Variants in DOCK10 observed in about 807,000 individuals in gnomAD.
DOCK10 encodes the protein dedicator of cytokinesis protein 10.
A neutral mutation model predicts 280.1 loss-of-function variants in DOCK10; 145 were observed. The observed-to-expected ratio is 0.52, with a 90% CI of 0.45 to 0.59. The LOEUF is 0.59. DOCK10 is among the 20% of genes least tolerant of loss of function. The probability of loss-of-function intolerance (pLI) is 0.00; values close to 1 mark genes in which losing one functional copy is unlikely to be tolerated. For synonymous variants in DOCK10, 915 were observed against 942.2 expected (o/e 0.97, Z 0.53); for missense variants, 2,368 against 2,651.7 (o/e 0.89, Z 2.35).
Position 224,915,412 on chromosome 2 carries a change from A to G in DOCK10, c.333+1283T>C, listed in dbSNP as rs550194720. Among the ~76,000 whole-genome samples the G allele has an allele frequency of 5.3e-5, 8 of 152,254 alleles. No individual in the cohort carries two copies. In the East Asian group the frequency reaches 9.6e-4, roughly 18 times the overall value. ...TGAGTCTGCATTTTTTCTTTTTTCT[A>G]TCTCCTTAAAAGGTATTGTAATGCA... On this transcript the variant is annotated intron_variant, in intron 3 of 55. Coordinates refer to ENST00000258390, the MANE Select transcript of DOCK10 (RefSeq NM_014689.3).
At chr2:224,797,287 G>A (rs1272359524) in intron 42 of DOCK10, 141 bp from the exon 43 acceptor site, 5 of 619,824 alleles carry the variant, frequency 8.1e-6, no homozygotes, top group Middle Eastern at 4.5e-4. Context: ...TCATTTGCAA[G>A]TGAGGAGGAT....
intron 39 of DOCK10, 92 bp from the exon 40 acceptor site, chr2:224,802,132 A>G: frequency 7.4e-7 from 1 of 1,342,728 alleles, no homozygotes; most frequent in Non-Finnish European, 1.0e-6. Context: ...AGATTGAGTC[A>G]AATATTAAAA....
intron 1 of DOCK10, among the ~76,000 whole-genome samples, chr2:224,999,259 T>C (rs898622251): frequency 1.3e-5 from 2 of 152,032 alleles, no homozygotes; most frequent in Admixed American, 1.3e-4. Flanking sequence ...TCTTTTTTTT[T>C]TTCAATAAGG....
intron 1 of DOCK10, among the ~76,000 whole-genome samples, chr2:225,038,852 C>A (rs1690335875): frequency 6.7e-6 from 1 of 150,220 alleles, no homozygotes; most frequent in Non-Finnish European, 1.5e-5. Context: ...TAGATCTCAT[C>A]CTTCTGGTTA....
At chr2:224,880,942 CT>C (rs1444212092) in intron 7 of DOCK10, among the ~76,000 whole-genome samples, 1 of 149,438 alleles carries the variant, frequency 6.7e-6, no homozygotes, top group African/African-American at 2.5e-5. Flanking sequence ...TCTCCACTCT[CT>C]GTAGGTTTAT....
chr2:224,807,791 GA>G lies in DOCK10; in HGVS notation c.3586-8del. On this transcript the variant is annotated splice_polypyrimidine_tract_variant and splice_region_variant and intron_variant, in intron 32 of 55. Coordinates refer to ENST00000258390, the MANE Select transcript of DOCK10 (RefSeq NM_014689.3). ...CTATCTGGGCCTGCTTTCTCTAGGAGAAAAGGTAGCCAAAAGAAATGATTCA... is the reference window on the plus strand; with the variant it reads ...CTATCTGGGCCTGCTTTCTCTAGGAGAAAGGTAGCCAAAAGAAATGATTCA... 6.4e-7 allele frequency: 1 copy of G among 1,564,402 alleles called. No homozygotes were observed. The highest frequency in any genetic ancestry group is 1.9e-5 in the Admixed American group (1 of 51,904).
chr2:224,844,678 T>G (rs867516897), intron 22 of DOCK10, 75 bp downstream of exon 22: 13 of 939,134 alleles, frequency 1.4e-5, no homozygotes, highest in East Asian at 2.6e-5. Flanking sequence ...ATTAGTCTCA[T>G]CCTGTAAATA....
At chr2:224,935,943 T>A (rs535080531) in intron 1 of DOCK10, among the ~76,000 whole-genome samples, 8 of 152,334 alleles carry the variant, frequency 5.3e-5, no homozygotes, top group Non-Finnish European at 1.0e-4. Flanking sequence ...TGCAATATTA[T>A]CTTTGTAACA....
chr2:224,801,246 C>G (rs1023015066), intron 40 of DOCK10, among the ~76,000 whole-genome samples: 1 of 78,936 alleles, frequency 1.3e-5, no homozygotes, highest in Admixed American at 1.8e-4. Context: ...ATTTTCCCCA[C>G]AAGAGACAAC....
At chr2:224,798,203 G>C (rs992649663) in intron 41 of DOCK10, among the ~76,000 whole-genome samples, 1 of 152,134 alleles carries the variant, frequency 6.6e-6, no homozygotes, top group Non-Finnish European at 1.5e-5. Context: ...AGTTGCTTTG[G>C]GGGTAGGATT....
At chr2:224,885,899 T>C in intron 6 of DOCK10, 94 bp from the exon 7 acceptor site, 1 of 1,520,640 alleles carries the variant, frequency 6.6e-7, no homozygotes, top group Non-Finnish European at 8.9e-7. Context: ...AGGAGTGCTA[T>C]ATTTCTAGGA....
At chr2:224,807,444 A>T (rs1358432320) in intron 33 of DOCK10, 1 of 378,116 alleles carries the variant, frequency 2.6e-6, no homozygotes, top group Non-Finnish European at 4.8e-6. Flanking sequence ...GCTGATACAG[A>T]GAACAGAGAG....
chr2:224,789,043 A>G (rs764102772), intron 48 of DOCK10, 21 bp downstream of exon 48: 6 of 1,497,340 alleles, frequency 4.0e-6, no homozygotes, highest in East Asian at 2.3e-5. Flanking sequence ...GTTACTGTAC[A>G]TGAGATAATT....
Position 224,984,573 on chromosome 2 carries a change from A to T in DOCK10, c.124-52905T>A, listed in dbSNP as rs538063708. ...CTGTTATCAAGCTAAAGGAATGTCC[A>T]AGGATTAGTTTCTTTGGAATTCAAT... On this transcript the variant is annotated intron_variant, in intron 1 of 55. Transcript: ENST00000258390. Among the ~76,000 whole-genome samples, 160 of 152,198 alleles carry T rather than the reference A, an allele frequency of 1.1e-3. 2 individuals carry two copies. The highest frequency in any genetic ancestry group is 1.6e-3 in the Non-Finnish European group (108 of 68,032).
chr2:225,020,275 G>T (rs904373231), intron 1 of DOCK10, among the ~76,000 whole-genome samples: 1 of 152,046 alleles, frequency 6.6e-6, no homozygotes, highest in Non-Finnish European at 1.5e-5. Flanking sequence ...GACATTTTGT[G>T]GAGAATAATA....
intron 4 of DOCK10, among the ~76,000 whole-genome samples, chr2:224,892,514 G>C (rs1024413891): frequency 6.6e-6 from 1 of 152,062 alleles, no homozygotes; most frequent in South Asian, 2.1e-4. Context: ...CAAAGGCCAC[G>C]TGTAGAAAGA....
intron 40 of DOCK10, 57 bp downstream of exon 40, chr2:224,801,859 C>G: frequency 6.3e-7 from 1 of 1,576,220 alleles, no homozygotes; most frequent in Non-Finnish European, 8.7e-7. Flanking sequence ...TCATGTCCTA[C>G]ACATACCTAG....
At chr2:224,867,241 C>T (rs1396218989) in intron 11 of DOCK10, among the ~76,000 whole-genome samples, 1 of 152,186 alleles carries the variant, frequency 6.6e-6, no homozygotes, top group Admixed American at 6.5e-5. Flanking sequence ...TAAGTAGGTC[C>T]TCCAACAGTG....
intron 1 of DOCK10, among the ~76,000 whole-genome samples, chr2:224,967,271 G>A (rs1046410835): frequency 1.6e-4 from 24 of 152,016 alleles, no homozygotes; most frequent in South Asian, 6.2e-4. Flanking sequence ...CAGTAGAGAC[G>A]GGGTTTCACC....
Sources: gnomAD v4.1 joint callset for allele counts (sites outside exome capture counted in the v4.1 genomes callset) on GRCh38, gnomAD v4.1.1 for gene constraint, MANE v1.5 for transcripts, NCBI Gene and HGNC (gene_info 2026-07-23, HGNC 2026-07-21) for gene names.